Variants in EXOC1 observed in about 807,000 individuals in gnomAD.
EXOC1 encodes the protein SEC3-like 1.
A neutral mutation model predicts 107.7 loss-of-function variants in EXOC1; 67 were observed. The observed-to-expected ratio is 0.62, with a 90% CI of 0.51 to 0.76. The LOEUF (loss-of-function observed/expected upper bound fraction) is 0.76, where lower values mean the gene tolerates loss of function less well. Among genes scored for constraint, EXOC1 ranks in the 30% least tolerant of loss-of-function variants. The probability of loss-of-function intolerance (pLI) is 0.00; values close to 1 mark genes in which losing one functional copy is unlikely to be tolerated. For synonymous variants in EXOC1, 348 were observed against 353.5 expected, an observed-to-expected ratio of 0.98 and a Z score of 0.17; for missense variants, 833 against 1,055.7, an observed-to-expected ratio of 0.79 and a Z score of 2.92.
chr4:55,871,290 C>T, intron 7 of EXOC1, 57 bp downstream of exon 7: 1 of 1,562,588 alleles, frequency 6.4e-7, no homozygotes, highest in Non-Finnish European at 8.7e-7. Context: ...AAGCCTGTAA[C>T]TTGTTATAAA....
At chr4:55,900,127 T>C (rs1180005830) in intron 17 of EXOC1, among the ~76,000 whole-genome samples, 1 of 152,176 alleles carries the variant, frequency 6.6e-6, no homozygotes, top group Non-Finnish European at 1.5e-5. Context: ...ACTAGTATTC[T>C]ATTATGCATT....
chr4:55,894,044 G>A (rs921696865), intron 15 of EXOC1, among the ~76,000 whole-genome samples: 1 of 152,092 alleles, frequency 6.6e-6, no homozygotes, highest in Admixed American at 6.6e-5. Flanking sequence ...TCCACTGGAG[G>A]CCAGACGCAG....
intron 1 of EXOC1, among the ~76,000 whole-genome samples, chr4:55,855,960 T>A (rs1052233430): frequency 6.6e-6 from 1 of 152,198 alleles, no homozygotes; most frequent in African/African-American, 2.4e-5. Context: ...TTGTATTTCA[T>A]GGCTTTTATA....
intron 8 of EXOC1, chr4:55,876,660 T>C (rs1303002562): frequency 4.0e-5 from 39 of 985,272 alleles, no homozygotes; most frequent in Non-Finnish European, 4.6e-5. Flanking sequence ...GTTCTTGTTA[T>C]TTTGAACTGG....
chr4:55,894,614 CTTTT>C (rs772700227), intron 15 of EXOC1, among the ~76,000 whole-genome samples: 1,034 of 76,022 alleles, frequency 0.014, 1 homozygote, highest in Non-Finnish European at 0.019. Flanking sequence ...CTATCTGTTA[CTTTT>C]TTTTTTTTTT....
At chr4:55,867,965 G>A (rs1378530457) in intron 4 of EXOC1, among the ~76,000 whole-genome samples, 1 of 152,150 alleles carries the variant, frequency 6.6e-6, no homozygotes, top group East Asian at 1.9e-4. Context: ...CATAGTCATT[G>A]TTTTGTTAGA....
intron 2 of EXOC1, among the ~76,000 whole-genome samples, 158 bp downstream of exon 2, chr4:55,858,605 G>A (rs964922241): frequency 1.3e-5 from 2 of 152,162 alleles, no homozygotes; most frequent in Non-Finnish European, 2.9e-5. Flanking sequence ...GCTGTTAATT[G>A]TTGTCAATCT....
At chr4:55,854,952 T>C (rs1160111061) in intron 1 of EXOC1, among the ~76,000 whole-genome samples, 1 of 152,244 alleles carries the variant, frequency 6.6e-6, no homozygotes, top group Non-Finnish European at 1.5e-5. Context: ...CAGTAAGTGC[T>C]GTAGAAATTT....
At chr4:55,867,249 C>T (rs780525527) in intron 4 of EXOC1, among the ~76,000 whole-genome samples, 1 of 152,112 alleles carries the variant, frequency 6.6e-6, no homozygotes, top group Non-Finnish European at 1.5e-5. Context: ...ACAAGGAGAT[C>T]GGTAATATCT....
At chr4:55,877,633 C>T (rs980614439) in intron 8 of EXOC1, 14 of 985,322 alleles carry the variant, frequency 1.4e-5, no homozygotes, top group African/African-American at 1.7e-5. Flanking sequence ...TTCATTAAAA[C>T]GTTCCATCTT....
intron 8 of EXOC1, among the ~76,000 whole-genome samples, chr4:55,872,415 G>C (rs1041800128): frequency 3.3e-5 from 5 of 151,912 alleles, no homozygotes; most frequent in African/African-American, 1.2e-4. Flanking sequence ...GCAAATTTCA[G>C]TTGATCTAAT....
Position 55,871,154 on chromosome 4 carries a change from T to G in EXOC1, c.885T>G (p.Leu295=), listed in dbSNP as rs201913166. The part of the protein sequence containing the change: ...GHIKALQEGD[L]ASSRGIEACT... The stretch of plus-strand genomic sequence containing the variant: ...TAAAGGCCCTTCAGGAAGGAGATCT[T>G]GCTTCTTCCAGAGGCATTGAGGCCT... Residue 295 remains leucine, a synonymous_variant, in exon 7 of 19, where the codon CTT becomes CTG. Coordinates refer to ENST00000381295, the MANE Select transcript of EXOC1 (RefSeq NM_001024924.2). 7 of 1,613,942 alleles carry G rather than the reference T, an allele frequency of 4.3e-6. No homozygotes were observed. Among genetic ancestry groups the G allele is most frequent in the Non-Finnish European group, 5.9e-6 (7 of 1,179,884 alleles).
intron 16 of EXOC1, among the ~76,000 whole-genome samples, chr4:55,898,270 A>G (rs545563242): frequency 3.9e-5 from 6 of 152,158 alleles, no homozygotes; most frequent in Admixed American, 3.3e-4. Flanking sequence ...AATAAATAAT[A>G]AATGAATGAA....
chr4:55,895,572 A>T (rs1212574652), intron 15 of EXOC1, among the ~76,000 whole-genome samples: 1 of 152,188 alleles, frequency 6.6e-6, no homozygotes. Flanking sequence ...TCCATGTGTC[A>T]TATGGTTTTT....
At chr4:55,858,468 A>T (rs780659520) in intron 2 of EXOC1, 21 bp downstream of exon 2, 8 of 1,565,720 alleles carry the variant, frequency 5.1e-6, no homozygotes, top group Non-Finnish European at 1.7e-6. Context: ...AGTAAGAAAG[A>T]GTACTTGTTT....
intron 1 of EXOC1, among the ~76,000 whole-genome samples, chr4:55,857,773 T>C (rs1721134736): frequency 6.6e-6 from 1 of 152,236 alleles, no homozygotes; most frequent in Admixed American, 6.5e-5. Context: ...TCCTCTCATC[T>C]TCACCAACAC....
chr4:55,864,714 TG>T (rs1721796062), intron 4 of EXOC1, among the ~76,000 whole-genome samples: 1 of 152,246 alleles, frequency 6.6e-6, no homozygotes, highest in Admixed American at 6.5e-5. Flanking sequence ...TAATGTATCA[TG>T]AACATTTTTC....
intron 14 of EXOC1, among the ~76,000 whole-genome samples, 180 bp from the exon 15 acceptor site, chr4:55,893,372 G>T (rs545887575): frequency 5.7e-4 from 87 of 152,242 alleles, no homozygotes; most frequent in Non-Finnish European, 6.3e-4. Context: ...TGCACACCTT[G>T]GCCTCTCAAA....
chr4:55,859,267 T>C (rs1721262336), intron 2 of EXOC1, among the ~76,000 whole-genome samples: 1 of 152,162 alleles, frequency 6.6e-6, no homozygotes, highest in South Asian at 2.1e-4. Context: ...ATGAACATGG[T>C]ACAGTTCTCT....
Sources: allele counts gnomAD v4.1 joint callset (sites outside exome capture counted in the v4.1 genomes callset), GRCh38; gene constraint gnomAD v4.1.1; transcripts MANE v1.5; gene names NCBI Gene and HGNC (gene_info 2026-07-23, HGNC 2026-07-21).